FOXP2: variants seen among roughly 807,000 people sequenced by gnomAD.
FOXP2 encodes forkhead box P2.
In FOXP2, 12 loss-of-function variants were observed where a neutral mutation model predicts 115.8. The ratio of observed to expected loss-of-function variants is 0.10; its 90% CI spans 0.07 to 0.17. The LOEUF is 0.17. FOXP2 is among the 10% of genes least tolerant of loss of function. The probability of loss-of-function intolerance (pLI) is 1.00; values close to 1 mark genes in which losing one functional copy is unlikely to be tolerated. For missense variants in FOXP2, 629 were observed against 843.5 expected (o/e 0.75, Z 3.15); for synonymous variants, 328 against 297.7 (o/e 1.10, Z -1.05).
intron 2 of FOXP2, among the ~76,000 whole-genome samples, chr7:114,402,607 A>T (rs1239500765): frequency 1.3e-5 from 2 of 151,902 alleles, no homozygotes; most frequent in Non-Finnish European, 2.9e-5. Context: ...CCCCTGCAAA[A>T]ACCATGCAAG....
intron 1 of FOXP2, among the ~76,000 whole-genome samples, chr7:114,100,318 T>C (rs1055943744): frequency 2.6e-5 from 4 of 152,192 alleles, no homozygotes; most frequent in Non-Finnish European, 5.9e-5. Context: ...TAAAAATCCA[T>C]ATTTGCTGAA....
At chr7:114,652,340 A>G (rs1462951041) in intron 9 of FOXP2, 50 bp downstream of exon 9, 5 of 1,530,670 alleles carry the variant, frequency 3.3e-6, no homozygotes, top group Non-Finnish European at 4.5e-6. Context: ...CTGGTGTGTT[A>G]CATTGAGTAC....
intron 2 of FOXP2, among the ~76,000 whole-genome samples, chr7:114,515,052 A>AT (rs1052988083): frequency 1.3e-5 from 2 of 151,000 alleles, no homozygotes; most frequent in African/African-American, 2.4e-5. Context: ...TGAACTCATC[A>AT]TTTTTTATGG....
intron 2 of FOXP2, among the ~76,000 whole-genome samples, chr7:114,365,230 A>C (rs547788419): frequency 3.3e-5 from 5 of 152,138 alleles, no homozygotes; most frequent in Non-Finnish European, 5.9e-5. Flanking sequence ...ATTTTGTAAG[A>C]GGTGACCTTA....
chr7:114,471,754 A>G (rs1289245708), intron 2 of FOXP2, among the ~76,000 whole-genome samples: 1 of 151,730 alleles, frequency 6.6e-6, no homozygotes, highest in African/African-American at 2.4e-5. Flanking sequence ...ATTTGAGACC[A>G]GCCTGGCCAA....
At chr7:114,104,934 G>A (rs1386858150) in intron 1 of FOXP2, among the ~76,000 whole-genome samples, 5 of 151,914 alleles carry the variant, frequency 3.3e-5, no homozygotes, top group Non-Finnish European at 5.9e-5. Flanking sequence ...GTAATTTTGC[G>A]ATTCATAGTA....
At chr7:114,128,975 T>A (rs962231417) in intron 1 of FOXP2, among the ~76,000 whole-genome samples, 24 of 152,134 alleles carry the variant, frequency 1.6e-4, no homozygotes, top group Non-Finnish European at 3.1e-4. Flanking sequence ...AAAAACACTC[T>A]CTGTGCTTCC....
At chr7:114,406,507 G>C (rs890404837) in intron 2 of FOXP2, among the ~76,000 whole-genome samples, 1 of 151,818 alleles carries the variant, frequency 6.6e-6, no homozygotes, top group Non-Finnish European at 1.5e-5. Flanking sequence ...TTTATTTTCA[G>C]ATATCCATTA....
At chr7:114,259,073 C>T (rs1336235778) in intron 1 of FOXP2, among the ~76,000 whole-genome samples, 1 of 152,078 alleles carries the variant, frequency 6.6e-6, no homozygotes, top group Non-Finnish European at 1.5e-5. Flanking sequence ...ACAGATGCAG[C>T]TTTCATAAAA....
intron 3 of FOXP2, among the ~76,000 whole-genome samples, chr7:114,621,490 A>C (rs1804252907): frequency 5.3e-5 from 8 of 152,030 alleles, no homozygotes. Flanking sequence ...ATTCACGAAA[A>C]AGTAATTGCT....
chr7:114,238,283 T>G (rs1050148116), intron 1 of FOXP2, among the ~76,000 whole-genome samples: 1 of 151,878 alleles, frequency 6.6e-6, no homozygotes, highest in African/African-American at 2.4e-5. Context: ...TTTTTTTTCT[T>G]CCTAATCTGA....
intron 3 of FOXP2, among the ~76,000 whole-genome samples, chr7:114,625,682 T>C (rs1249638635): frequency 6.6e-6 from 1 of 151,764 alleles, no homozygotes; most frequent in Non-Finnish European, 1.5e-5. Context: ...CACTTAAAAA[T>C]GAAGGCTATG....
At chr7:114,615,811 G>A (rs922635397) in intron 3 of FOXP2, among the ~76,000 whole-genome samples, 3 of 152,114 alleles carry the variant, frequency 2.0e-5, no homozygotes, top group African/African-American at 7.2e-5. Context: ...GGCCAAGTTC[G>A]GGAACTTTGT....
chr7:114,591,485 T>G (rs905045870), intron 3 of FOXP2, among the ~76,000 whole-genome samples: 4 of 152,062 alleles, frequency 2.6e-5, no homozygotes, highest in Admixed American at 2.0e-4. Context: ...AACTAACTTA[T>G]AGTGAATTAT....
Position 114,658,082 on chromosome 7 carries a change from G to C in FOXP2, c.1283G>C (p.Ser428Thr). 1 of 1,613,646 alleles carries C rather than the reference G, an allele frequency of 6.2e-7. No homozygotes were observed. Among genetic ancestry groups the C allele is most frequent in the African/African-American group, 1.3e-5 (1 of 74,950 alleles). Residue 428 changes from serine (S) to threonine (T), a missense_variant, in exon 11 of 17, where the codon AGT becomes ACT. Physicochemically the swap from Ser to Thr is moderately conservative, Grantham distance 58. This residue lies in a region of FOXP2 where 101 missense variants were observed against 116.0 expected (regional missense o/e 0.87). Coordinates refer to ENST00000350908, the MANE Select transcript of FOXP2 (RefSeq NM_014491.4). The part of the protein sequence containing the change: ...PSPKPLNLVS[S>T]VTMSKNMLET... ...CCTTTGCAGCTAAATCTGGTGTCTAGTGTCACCATGTCGAAGAATATGTTG... is the reference window on the plus strand; with the variant it reads ...CCTTTGCAGCTAAATCTGGTGTCTACTGTCACCATGTCGAAGAATATGTTG...
At chr7:114,436,582 C>G (rs1410417956) in intron 2 of FOXP2, among the ~76,000 whole-genome samples, 1 of 151,010 alleles carries the variant, frequency 6.6e-6, no homozygotes, top group African/African-American at 2.4e-5. Flanking sequence ...TGCTAGACAG[C>G]AAATAAAATA....
chr7:114,117,412 G>A (rs62468058), intron 1 of FOXP2, among the ~76,000 whole-genome samples: 2,552 of 151,874 alleles, frequency 0.017, 36 homozygotes, highest in Non-Finnish European at 0.026. Context: ...AGTAGAGACA[G>A]GGTTTCGCCA....
At chr7:114,230,133 TAAA>T (rs774057513) in intron 1 of FOXP2, among the ~76,000 whole-genome samples, 1 of 151,704 alleles carries the variant, frequency 6.6e-6, no homozygotes, top group African/African-American at 2.4e-5. Context: ...CTAGAAGAAA[TAAA>T]TAAATTTCTG....
At chr7:114,136,373 C>T (rs181160169) in intron 1 of FOXP2, among the ~76,000 whole-genome samples, 3 of 151,964 alleles carry the variant, frequency 2.0e-5, no homozygotes, top group Non-Finnish European at 4.4e-5. Context: ...TAAATGGTCT[C>T]AATTTTTGGC....
Sources: allele counts gnomAD v4.1 joint callset (sites outside exome capture counted in the v4.1 genomes callset), GRCh38; gene constraint gnomAD v4.1.1; regional missense constraint gnomAD v4.1.1; transcripts MANE v1.5; gene names NCBI Gene and HGNC (gene_info 2026-07-23, HGNC 2026-07-21).